CCDC18: variants seen among roughly 807,000 people sequenced by gnomAD.
CCDC18 encodes the protein coiled-coil domain containing 18, also known as coiled-coil domain-containing protein 18.
Under a neutral mutation model 196.0 loss-of-function variants are expected in CCDC18, and 157 were observed. That is an observed-to-expected ratio of 0.80 (90% confidence interval 0.70 to 0.91). CCDC18 has a LOEUF of 0.91. Ranked by LOEUF, CCDC18 falls within the 40% of genes least tolerant of loss-of-function variation. The probability of loss-of-function intolerance (pLI) is 0.00; values close to 1 mark genes in which losing one functional copy is unlikely to be tolerated. For missense variants in CCDC18, 1,465 were observed against 1,611.6 expected, an observed-to-expected ratio of 0.91 and a Z score of 1.56; for synonymous variants, 482 against 529.2, an observed-to-expected ratio of 0.91 and a Z score of 1.22.
chr1:93,227,802 A>G (rs1658615896), intron 17 of CCDC18, among the ~76,000 whole-genome samples: 1 of 151,294 alleles, frequency 6.6e-6, no homozygotes, highest in Non-Finnish European at 1.5e-5. Flanking sequence ...CAAAAAAATT[A>G]AAAACATTAG....
intron 17 of CCDC18, among the ~76,000 whole-genome samples, chr1:93,227,915 G>A (rs929816472): frequency 4.2e-5 from 6 of 144,456 alleles, no homozygotes; most frequent in East Asian, 2.0e-4. Context: ...CTGTGATCAC[G>A]CCACTGCACT....
Position 93,278,466 on chromosome 1 carries a change from GA to G in CCDC18, c.4361del (p.Asn1454MetfsTer11). 4 of 1,261,440 alleles carry G rather than the reference GA, an allele frequency of 3.2e-6. No individual in the cohort carries two copies. Among genetic ancestry groups the G allele is most frequent in the Non-Finnish European group, 4.3e-6 (4 of 927,772 alleles). 78.1% of individuals were successfully genotyped at this position (1,261,440 alleles called of 1,614,324 possible). On this transcript the variant is annotated frameshift_variant, in exon 29 of 29. Coordinates refer to ENST00000690025, the MANE Select transcript of CCDC18 (RefSeq NM_001378204.1). LOFTEE classifies it high-confidence loss of function. ...CTATTATTTTGCATTATTCTAGGGA[GA>G]AAATGTGTAATTCAAAGAAGATACT... ...MQTGAGLNQG[E>X]NV
intron 17 of CCDC18, among the ~76,000 whole-genome samples, chr1:93,227,877 G>C (rs1658628348): frequency 6.7e-6 from 1 of 149,902 alleles, no homozygotes; most frequent in Non-Finnish European, 1.5e-5. Context: ...AGGATCACTT[G>C]AGCCTAGGAG....
chr1:93,266,533 T>G (rs563760655), intron 27 of CCDC18, among the ~76,000 whole-genome samples: 2 of 151,720 alleles, frequency 1.3e-5, no homozygotes, highest in South Asian at 4.2e-4. Context: ...TCAACAAAAT[T>G]GATAGACCGC....
intron 9 of CCDC18, 117 bp downstream of exon 9, chr1:93,207,515 T>C: frequency 1.4e-6 from 1 of 706,990 alleles, no homozygotes; most frequent in East Asian, 2.9e-5. Context: ...ATACTTTTAG[T>C]CATGAATTTC....
At chr1:93,191,572 G>A (rs567134464) in intron 4 of CCDC18, among the ~76,000 whole-genome samples, 1 of 152,022 alleles carries the variant, frequency 6.6e-6, no homozygotes, top group African/African-American at 2.4e-5. Flanking sequence ...AGATTGTAGG[G>A]TTATTATGCT....
At chr1:93,259,524 A>T (rs560856419) in intron 26 of CCDC18, among the ~76,000 whole-genome samples, 6 of 152,336 alleles carry the variant, frequency 3.9e-5, no homozygotes, top group Admixed American at 3.3e-4. Flanking sequence ...CGTTTTTTCT[A>T]ATACGGCAAG....
chr1:93,231,279 AT>A (rs1235900381), intron 17 of CCDC18, among the ~76,000 whole-genome samples: 1 of 152,208 alleles, frequency 6.6e-6, no homozygotes, highest in Non-Finnish European at 1.5e-5. Flanking sequence ...CACTTAAAAA[AT>A]TTATTATATA....
At chr1:93,236,469 G>C in intron 19 of CCDC18, 79 bp downstream of exon 19, 1 of 1,360,268 alleles carries the variant, frequency 7.4e-7, no homozygotes, top group Non-Finnish European at 1.0e-6. Context: ...ATAATGTTCA[G>C]TGGAGCATTT....
intron 27 of CCDC18, among the ~76,000 whole-genome samples, chr1:93,265,463 TTAAA>T (rs1157239495): frequency 2.0e-5 from 3 of 152,246 alleles, no homozygotes; most frequent in Admixed American, 6.5e-5. Flanking sequence ...AAACTGTAAC[TTAAA>T]TAAAATCCTA....
At position 93,221,756 on chromosome 1, in the gene CCDC18, T is replaced by C; in HGVS notation, c.2097+13T>C. 6.3e-7 allele frequency: 1 copy of C among 1,596,628 alleles called. No individual in the cohort carries two copies. The highest frequency in any genetic ancestry group is 1.2e-5 in the South Asian group (1 of 86,712). ...GGAAAGCAAAGGGGTAAAATCATCCTTATAAAAGTGCTATTTAGAAGTTGA... is the reference window on the plus strand; with the variant it reads ...GGAAAGCAAAGGGGTAAAATCATCCCTATAAAAGTGCTATTTAGAAGTTGA... On this transcript the variant is annotated intron_variant, in intron 15 of 28. Coordinates refer to ENST00000690025, the MANE Select transcript of CCDC18 (RefSeq NM_001378204.1).
At chr1:93,207,991 A>G (rs573184379) in intron 9 of CCDC18, among the ~76,000 whole-genome samples, 38 of 152,022 alleles carry the variant, frequency 2.5e-4, no homozygotes, top group African/African-American at 8.7e-4. Context: ...CATTATATAG[A>G]TATGTTATAT....
chr1:93,275,082 A>G (rs1248356862), intron 28 of CCDC18, among the ~76,000 whole-genome samples: 2 of 152,118 alleles, frequency 1.3e-5, no homozygotes, highest in African/African-American at 4.8e-5. Flanking sequence ...TAATAAATAT[A>G]TACTACTCTG....
In CCDC18 at chr1:93,270,829, C is replaced by T. The variant is rs949950680; in HGVS notation, c.4353+15C>T. ...GTTTAAATCAGGTATGTATTTTATA[C>T]ACTGTAAACTGTAATAATTTGTTTC... is the stretch of plus-strand genomic sequence containing the variant. On this transcript the variant is annotated intron_variant, in intron 28 of 28. Transcript: ENST00000690025. 16 of 1,452,986 alleles carry T rather than the reference C, an allele frequency of 1.1e-5. No individual in the cohort carries two copies. Among genetic ancestry groups the T allele is most frequent in the Non-Finnish European group, 1.5e-5 (16 of 1,096,738 alleles). The allele number at this position is 1,452,986 out of a possible 1,614,324, so 90.0% of individuals were successfully genotyped here. A position where few individuals can be genotyped will look rare whatever the true frequency, so the allele number is the denominator to read the frequency against.
At chr1:93,226,186 A>G (rs1658255025) in intron 16 of CCDC18, 147 bp from the exon 17 acceptor site, 1 of 434,664 alleles carries the variant, frequency 2.3e-6, no homozygotes, top group Non-Finnish European at 4.2e-6. Context: ...TACTCAATAA[A>G]TATCTTCTAT....
intron 16 of CCDC18, among the ~76,000 whole-genome samples, chr1:93,224,004 CTG>C (rs572458549): frequency 4.6e-5 from 7 of 152,112 alleles, no homozygotes; most frequent in African/African-American, 1.7e-4. Context: ...CTTTCAAACT[CTG>C]TTCAAATAAG....
At chr1:93,226,928 C>G (rs1448358230) in intron 17 of CCDC18, among the ~76,000 whole-genome samples, 1 of 152,000 alleles carries the variant, frequency 6.6e-6, no homozygotes, top group African/African-American at 2.4e-5. Context: ...CATTTCAATG[C>G]AAAATAGAAT....
At chr1:93,215,033 G>A in intron 12 of CCDC18, 67 bp downstream of exon 12, 1 of 1,034,288 alleles carries the variant, frequency 9.7e-7, no homozygotes, top group Non-Finnish European at 1.4e-6. Flanking sequence ...TTATTTTAGG[G>A]TTTTATAAAA....
intron 7 of CCDC18, among the ~76,000 whole-genome samples, chr1:93,205,062 G>A (rs1654510936): frequency 6.6e-6 from 1 of 151,204 alleles, no homozygotes; most frequent in African/African-American, 2.4e-5. Context: ...GATGTAACAG[G>A]GTAACAAAGG....
Sources: gnomAD v4.1 joint callset for allele counts (sites outside exome capture counted in the v4.1 genomes callset) on GRCh38, gnomAD v4.1.1 for gene constraint, MANE v1.5 for transcripts, NCBI Gene and HGNC (gene_info 2026-07-23, HGNC 2026-07-21) for gene names.